Variants in GRID2 observed in about 807,000 individuals in gnomAD.
GRID2 encodes glutamate ionotropic receptor delta type subunit 2.
In GRID2, 33 loss-of-function variants were observed where a neutral mutation model predicts 114.8. That is an observed-to-expected ratio of 0.29 (90% CI 0.22 to 0.38). The LOEUF is 0.38. GRID2 is among the 10% of genes least tolerant of loss of function. The pLI is 1.00. For missense variants in GRID2, 1,184 were observed against 1,257.7 expected, an observed-to-expected ratio of 0.94 and a Z score of 0.89; for synonymous variants, 505 against 449.9, an observed-to-expected ratio of 1.12 and a Z score of -1.55.
In GRID2 at chr4:93,016,593, G is replaced by A. The variant is rs1049186540; in HGVS notation, c.245-68402G>A. Among the ~76,000 whole-genome samples the A allele has an allele frequency of 9.9e-5, 15 of 152,230 alleles. 1 individual carries two copies. In the South Asian group the frequency reaches 2.9e-3, roughly 29 times the overall value. On this transcript the variant is annotated intron_variant, in intron 2 of 15. Transcript: ENST00000282020. ...AGTGGGAGGCTGGATCAGCGTCTTTGAATGTGGTGGAATGTAGAGGTGTCC... is the reference window on the plus strand; with the variant it reads ...AGTGGGAGGCTGGATCAGCGTCTTTAAATGTGGTGGAATGTAGAGGTGTCC...
intron 2 of GRID2, among the ~76,000 whole-genome samples, chr4:92,732,124 A>G (rs140410455): frequency 6.6e-6 from 1 of 152,146 alleles, no homozygotes; most frequent in Non-Finnish European, 1.5e-5. Context: ...AATGTTTAGT[A>G]TATTGTAGTC....
At position 92,938,805 on chromosome 4, in the gene GRID2, C is replaced by A. The variant is rs375459568; in HGVS notation, c.245-146190C>A. Among the ~76,000 whole-genome samples, 25 of 141,818 alleles carry A rather than the reference C, an allele frequency of 1.8e-4. 1 individual carries two copies. The highest frequency in any genetic ancestry group is 5.6e-4 in the Admixed American group (7 of 12,532). The allele number at this position is 141,818 out of a possible 152,430, so 93.0% of individuals were successfully genotyped here. ...ATTCAATTCCCACCTATGAGTGAGACCATGCAGTGTTTGGTTTTTTGTCCT... is the reference window on the plus strand; with the variant it reads ...ATTCAATTCCCACCTATGAGTGAGAACATGCAGTGTTTGGTTTTTTGTCCT... On this transcript the variant is annotated intron_variant, in intron 2 of 15. Transcript: ENST00000282020.
chr4:92,824,553 T>C (rs901499046), intron 2 of GRID2, among the ~76,000 whole-genome samples: 16 of 152,168 alleles, frequency 1.1e-4, no homozygotes, highest in African/African-American at 3.6e-4. Flanking sequence ...TTTCAAAATT[T>C]AATAACAGTT....
intron 12 of GRID2, among the ~76,000 whole-genome samples, chr4:93,511,699 A>G (rs1478274182): frequency 1.3e-5 from 2 of 152,058 alleles, no homozygotes; most frequent in African/African-American, 2.4e-5. Context: ...GAAACAGAGT[A>G]TACTATGAGT....
At chr4:93,006,335 C>T (rs1000373934) in intron 2 of GRID2, among the ~76,000 whole-genome samples, 4 of 151,912 alleles carry the variant, frequency 2.6e-5, no homozygotes, top group Non-Finnish European at 4.4e-5. Flanking sequence ...GACCTAGCAG[C>T]GGCTGAGAGT....
At chr4:92,409,430 A>G (rs779417010) in intron 1 of GRID2, among the ~76,000 whole-genome samples, 16 of 152,132 alleles carry the variant, frequency 1.1e-4, no homozygotes, top group Non-Finnish European at 1.5e-4. Flanking sequence ...TTTTGTGTGG[A>G]TAGAGTATTT....
At chr4:93,471,566 A>G in intron 11 of GRID2, among the ~76,000 whole-genome samples, 1 of 151,970 alleles carries the variant, frequency 6.6e-6, no homozygotes. Context: ...TTTGCTAGAA[A>G]ATTTACCCTT....
chr4:92,715,593 T>C (rs1175055292), intron 2 of GRID2, among the ~76,000 whole-genome samples: 1 of 152,146 alleles, frequency 6.6e-6, no homozygotes, highest in East Asian at 1.9e-4. Flanking sequence ...TGAGGAGGCC[T>C]TACAATCATG....
intron 1 of GRID2, among the ~76,000 whole-genome samples, chr4:92,362,448 T>C (rs577242860): frequency 2.6e-5 from 4 of 152,130 alleles, no homozygotes; most frequent in African/African-American, 9.6e-5. Context: ...CTAAAATTAT[T>C]TTGAAATACT....
chr4:93,389,785 T>C (rs933746281), intron 8 of GRID2, among the ~76,000 whole-genome samples: 1 of 151,324 alleles, frequency 6.6e-6, no homozygotes, highest in Non-Finnish European at 1.5e-5. Flanking sequence ...AGCAAGTTTT[T>C]TTTTTTCTTT....
At chr4:93,679,806 A>G (rs1474792179) in intron 14 of GRID2, among the ~76,000 whole-genome samples, 4 of 151,022 alleles carry the variant, frequency 2.6e-5, no homozygotes, top group African/African-American at 9.8e-5. Context: ...ATAGCACTAA[A>G]TGCCCACAAG....
chr4:93,664,998 G>A (rs956932032), intron 14 of GRID2, among the ~76,000 whole-genome samples: 16 of 152,196 alleles, frequency 1.1e-4, no homozygotes, highest in Admixed American at 1.3e-4. Flanking sequence ...TCTTATAACA[G>A]TAGAAGAATT....
At chr4:93,266,042 C>A (rs1750790026) in intron 8 of GRID2, among the ~76,000 whole-genome samples, 1 of 152,094 alleles carries the variant, frequency 6.6e-6, no homozygotes, top group Admixed American at 6.5e-5. Context: ...GGACACTATT[C>A]CATCACAGGG....
At chr4:93,247,678 C>G (rs905508388) in intron 8 of GRID2, among the ~76,000 whole-genome samples, 11 of 152,014 alleles carry the variant, frequency 7.2e-5, no homozygotes, top group African/African-American at 2.7e-4. Flanking sequence ...AATCTTGGAA[C>G]TTCTTAGCCT....
chr4:92,708,343 T>C (rs917935335), intron 2 of GRID2, among the ~76,000 whole-genome samples: 1 of 152,154 alleles, frequency 6.6e-6, no homozygotes, highest in African/African-American at 2.4e-5. Context: ...AAATAAAAAA[T>C]CATGTACCTC....
At chr4:92,720,436 A>G (rs1361649229) in intron 2 of GRID2, among the ~76,000 whole-genome samples, 1 of 152,026 alleles carries the variant, frequency 6.6e-6, no homozygotes. Flanking sequence ...GGATTCAGAA[A>G]TTCAGCCAAA....
At chr4:92,336,290 A>G (rs1727160971) in intron 1 of GRID2, among the ~76,000 whole-genome samples, 1 of 152,178 alleles carries the variant, frequency 6.6e-6, no homozygotes, top group Non-Finnish European at 1.5e-5. Flanking sequence ...ACAGGCAACA[A>G]CATCTAGCAG....
chr4:93,652,483 T>A (rs1180452358), intron 14 of GRID2, among the ~76,000 whole-genome samples: 1 of 152,098 alleles, frequency 6.6e-6, no homozygotes, highest in East Asian at 1.9e-4. Context: ...ATCATTGTGT[T>A]ACAATTGCCC....
At chr4:92,797,742 G>A (rs1351496271) in intron 2 of GRID2, among the ~76,000 whole-genome samples, 1 of 151,140 alleles carries the variant, frequency 6.6e-6, no homozygotes, top group African/African-American at 2.4e-5. Context: ...TTTTCAAATT[G>A]TCACAAATCT....
Sources: allele counts gnomAD v4.1 joint callset (sites outside exome capture counted in the v4.1 genomes callset), GRCh38; gene constraint gnomAD v4.1.1; transcripts MANE v1.5; gene names NCBI Gene and HGNC (gene_info 2026-07-23, HGNC 2026-07-21).